Variants in ADGRB2 observed in about 807,000 individuals in gnomAD.
ADGRB2 encodes the protein brain-specific angiogenesis inhibitor 2.
In ADGRB2, 47 loss-of-function variants were observed where a neutral mutation model predicts 178.7. The observed-to-expected ratio is 0.26, with a 90% CI of 0.21 to 0.34. ADGRB2 has a LOEUF of 0.34. Among genes scored for constraint, ADGRB2 ranks in the 10% least tolerant of loss-of-function variants. The pLI, the probability that ADGRB2 is intolerant of heterozygous loss-of-function variation, is 1.00. For missense variants in ADGRB2, 1,584 were observed against 2,180.8 expected (o/e 0.73, Z 5.45); for synonymous variants, 870 against 912.4 (o/e 0.95, Z 0.84).
intron 14 of ADGRB2, 24 bp from the exon 15 acceptor site, chr1:31,739,659 GAGAC>G: frequency 6.4e-7 from 1 of 1,552,704 alleles, no homozygotes; most frequent in Non-Finnish European, 8.7e-7. Flanking sequence ...AGGGTGGACA[GAGAC>G]AGACAGAGGG....
intron 28 of ADGRB2, 114 bp downstream of exon 28, chr1:31,732,001 C>T: frequency 5.7e-6 from 8 of 1,411,426 alleles, no homozygotes; most frequent in East Asian, 2.3e-5. Context: ...TGTCTAACTT[C>T]GAAGCTGGAC....
chr1:31,735,072 C>T lies in ADGRB2; in HGVS notation c.3452+111G>A. On this transcript the variant is annotated intron_variant, in intron 25 of 32. Coordinates refer to ENST00000373658, the MANE Select transcript of ADGRB2 (RefSeq NM_001364857.2). This position sits in a 1 kb window ranked among gnomAD's most constrained non-coding sequence, Gnocchi z 6.0. Reference sequence around the variant, plus strand: ...GTGGTGGCTGGCAGGAAAGGGCAAGCTTTCCAGGGCACTGGGCTGATATCC... The same window carrying T: ...GTGGTGGCTGGCAGGAAAGGGCAAGTTTTCCAGGGCACTGGGCTGATATCC... 1 of 1,094,866 alleles carries T rather than the reference C, an allele frequency of 9.1e-7. No homozygotes were observed. Among genetic ancestry groups the T allele is most frequent in the East Asian group, 2.8e-5 (1 of 35,952 alleles). 67.8% of individuals were successfully genotyped at this position (1,094,866 alleles called of 1,614,324 possible).
chr1:31,757,628 A>G, intron 1 of ADGRB2, 117 bp from the exon 2 acceptor site: 1 of 228,828 alleles, frequency 4.4e-6, no homozygotes, highest in Non-Finnish European at 8.7e-6. Flanking sequence ...CATCTGTAAA[A>G]TGGGTGCAGA....
chr1:31,735,121 ACT>A lies in ADGRB2; in HGVS notation c.3452+60_3452+61del. 1 of 390,778 alleles carries A rather than the reference ACT, an allele frequency of 2.6e-6. No homozygotes were observed. The highest frequency in any genetic ancestry group is 4.6e-6 in the Non-Finnish European group (1 of 215,526). 24.2% of individuals were successfully genotyped at this position (390,778 alleles called of 1,614,324 possible). Reference sequence around the variant, plus strand: ...CCCTCCTCCTCCCCCCACCATGGGCACTGCCCCCCCCAATTCCTTTGCCCCAC... The same window carrying A: ...CCCTCCTCCTCCCCCCACCATGGGCAGCCCCCCCCAATTCCTTTGCCCCAC... On this transcript the variant is annotated intron_variant, in intron 25 of 32. Transcript: ENST00000373658. The surrounding 1 kb of genome is among the most constrained non-coding windows in gnomAD (Gnocchi z 6.0).
chr1:31,744,405 T>C lies in ADGRB2; in HGVS notation c.923-48A>G, dbSNP rs1447792928. On this transcript the variant is annotated intron_variant, in intron 5 of 32. Transcript: ENST00000373658. This position sits in a 1 kb window ranked among gnomAD's most constrained non-coding sequence, Gnocchi z 6.7. ...GCGGCAGGGGGCACCTCCCAAGCAC[T>C]CAGTCTCATAGGGATAGGGGGAGTG... The C allele has an allele frequency of 6.5e-7, 1 of 1,543,786 alleles. No homozygotes were observed. The highest frequency in any genetic ancestry group is 8.7e-7 in the Non-Finnish European group (1 of 1,145,592).
Position 31,752,126 on chromosome 1 carries a change from T to C in ADGRB2, c.838+3873A>G, listed in dbSNP as rs375652103. ...TGGCCTTGACCACCACTGTCCTAGT[T>C]AGTGCTCTCCCTCCCCCACCGGTGG... On this transcript the variant is annotated intron_variant, in intron 4 of 32. Transcript: ENST00000373658. Among the ~76,000 whole-genome samples, 79 of 152,296 alleles carry C rather than the reference T, an allele frequency of 5.2e-4. 1 individual carries two copies. In the South Asian group the frequency reaches 8.9e-3, roughly 17 times the overall value.
intron 6 of ADGRB2, chr1:31,743,409 G>A (rs1209724717): frequency 1.3e-5 from 2 of 153,108 alleles, no homozygotes; most frequent in East Asian, 3.6e-4. Context: ...GGGGGCAAGA[G>A]AAGCGCCCTT....
chr1:31,729,838 C>T (rs908826709), intron 29 of ADGRB2, among the ~76,000 whole-genome samples: 2 of 152,246 alleles, frequency 1.3e-5, no homozygotes, highest in South Asian at 2.1e-4. Context: ...CCGACACTGG[C>T]GTTGCATTTT....
Position 31,744,013 on chromosome 1 carries a change from G to A in ADGRB2, c.1087+180C>T, listed in dbSNP as rs936080501. ...GCATGGGCCCTGGTCTGATCCATCT[G>A]TGCCCCCAGTGCCCTGCACCGGGCT... On this transcript the variant is annotated intron_variant, in intron 6 of 32. Transcript: ENST00000373658. This position sits in a 1 kb window ranked among gnomAD's most constrained non-coding sequence, Gnocchi z 6.7. Among the ~76,000 whole-genome samples the A allele has an allele frequency of 6.6e-6, 1 of 152,230 alleles. No homozygotes were observed. Among genetic ancestry groups the A allele is most frequent in the African/African-American group, 2.4e-5 (1 of 41,468 alleles).
In ADGRB2 at chr1:31,736,598, G is replaced by T. The variant is rs375980272; in HGVS notation, c.3105C>A (p.Arg1035=). ...VIGRMRTRLV[R]KRFLCLGWGL... ...CCCAGCCCAGGCAGAGGAAGCGCTT[G>T]CGAACGAGGCGGGTGCGCATCCGCC... Residue 1035 remains arginine, a synonymous_variant, in exon 21 of 33, where the codon CGC becomes CGA. Coordinates refer to ENST00000373658, the MANE Select transcript of ADGRB2 (RefSeq NM_001364857.2). 1.9e-6 allele frequency: 3 copies of T among 1,614,004 alleles called. No individual in the cohort carries two copies. The highest frequency in any genetic ancestry group is 2.5e-6 in the Non-Finnish European group (3 of 1,179,974).
In ADGRB2 at chr1:31,738,300, G is replaced by A. The variant is rs140884373; in HGVS notation, c.2672C>T (p.Thr891Ile). 6.2e-7 allele frequency: 1 copy of A among 1,614,040 alleles called. No individual in the cohort carries two copies. Among genetic ancestry groups the A allele is most frequent in the Non-Finnish European group, 8.5e-7 (1 of 1,179,996 alleles). ...GGTCTCCAGGGTCTGGCAATTTTCA[G>A]TGTCCCAGTCTCCTGAGCTGGCATC... ...RADASSGDWD[T>I]ENCQTLETQA... The change falls in exon 18 of 33, where the codon ACT becomes ATT. Residue 891 changes from threonine to isoleucine, a missense_variant. Thr to Ile is a moderately conservative substitution (Grantham distance 89). Transcript: ENST00000373658.
chr1:31,735,642 G>A lies in ADGRB2; in HGVS notation c.3291C>T (p.Ile1097=), dbSNP rs367578737. Residue 1097 remains isoleucine (I), a synonymous_variant, in exon 24 of 33, where the codon ATC becomes ATT. Coordinates refer to ENST00000373658, the MANE Select transcript of ADGRB2 (RefSeq NM_001364857.2). This position sits in a 1 kb window ranked among gnomAD's most constrained non-coding sequence, Gnocchi z 6.0. ...IVLVNMLIGI[I]VFNKLMARDG... ...CACGTGCCATGAGCTTGTTGAAGAC[G>A]ATGATTCCGATGAGCATGTTCACCT... 6.5e-5 allele frequency: 104 copies of A among 1,604,080 alleles called. No homozygotes were observed. Among genetic ancestry groups the A allele is most frequent in the Non-Finnish European group, 8.2e-5 (96 of 1,172,858 alleles).
chr1:31,763,271 G>C (rs970387034), intron 1 of ADGRB2, among the ~76,000 whole-genome samples: 2 of 150,604 alleles, frequency 1.3e-5, no homozygotes, highest in Non-Finnish European at 3.0e-5. Context: ...ATTGGCGAGG[G>C]AAGGCGGGAC....
chr1:31,732,239 C>A (rs989868664), intron 27 of ADGRB2, 85 bp from the exon 28 acceptor site: 1 of 1,576,674 alleles, frequency 6.3e-7, no homozygotes, highest in African/African-American at 1.3e-5. Flanking sequence ...CCCCAGCCAG[C>A]TTTGCCCAGT....
intron 4 of ADGRB2, among the ~76,000 whole-genome samples, chr1:31,752,081 G>C (rs1159663047): frequency 6.6e-6 from 1 of 152,164 alleles, no homozygotes; most frequent in African/African-American, 2.4e-5. Flanking sequence ...ACTGAACCCG[G>C]ACTGGGCGAC....
Position 31,735,234 on chromosome 1 carries a change from C to T in ADGRB2, c.3401G>A (p.Cys1134Tyr). Reference protein sequence around the residue: ...WASLLLPCSACGAVPSPLLSS... With the variant: ...WASLLLPCSAYGAVPSPLLSS... ...GAGCAGGGGGCTGGGGACCGCTCCA[C>T]ACGCTGAGCAGGGGAGGAGCAGGCT... The change falls in exon 25 of 33, where the codon TGT (cysteine) becomes TAT (tyrosine). Residue 1134 changes from cysteine to tyrosine, a missense_variant. Transcript: ENST00000373658. This position sits in a 1 kb window ranked among gnomAD's most constrained non-coding sequence, Gnocchi z 6.0. 6.8e-7 allele frequency: 1 copy of T among 1,466,094 alleles called. No individual in the cohort carries two copies. Among genetic ancestry groups the T allele is most frequent in the Non-Finnish European group, 9.1e-7 (1 of 1,102,774 alleles). 90.8% of individuals were successfully genotyped at this position (1,466,094 alleles called of 1,614,324 possible).
rs71006321 is a variant in ADGRB2, at chr1:31,728,803, A to AAC, written c.4381-172_4381-171dup. On this transcript the variant is annotated intron_variant, in intron 29 of 32. Coordinates refer to ENST00000373658, the MANE Select transcript of ADGRB2 (RefSeq NM_001364857.2). This position sits in a 1 kb window ranked among gnomAD's most constrained non-coding sequence, Gnocchi z 6.7. ...TGGGGCAGCTTTTCAGGCCTCACTG[A>AAC]ACACACACACACACACACACACACA... Among the ~76,000 whole-genome samples, 19,498 of 115,160 alleles carry AAC rather than the reference A, an allele frequency of 0.17. 2,011 individuals are homozygous for AAC. Among genetic ancestry groups the AAC allele is most frequent in the East Asian group, 0.37 (1,342 of 3,606 alleles). 75.5% of individuals were successfully genotyped at this position (115,160 alleles called of 152,430 possible). A position where few individuals can be genotyped will look rare whatever the true frequency, so the allele number is the denominator to read the frequency against.
In ADGRB2 at chr1:31,755,925, T is replaced by G. The variant is rs1025108112; in HGVS notation, c.838+74A>C. ...GAACAGCTACATGCATGGCCGAGGA[T>G]CTGCCAGGATGGACACCAGGGACAC... On this transcript the variant is annotated intron_variant, in intron 4 of 32. Transcript: ENST00000373658. This position sits in a 1 kb window ranked among gnomAD's most constrained non-coding sequence, Gnocchi z 5.1. 4.5e-5 allele frequency: 69 copies of G among 1,531,008 alleles called. No homozygotes were observed. The highest frequency in any genetic ancestry group is 6.0e-5 in the Non-Finnish European group (68 of 1,134,590). 94.8% of individuals were successfully genotyped at this position (1,531,008 alleles called of 1,614,324 possible).
In ADGRB2 at chr1:31,737,472, G is replaced by C. The variant is rs1314407928; in HGVS notation, c.2936C>G (p.Ser979Cys). 1.2e-6 allele frequency: 2 copies of C among 1,614,168 alleles called. No individual in the cohort carries two copies. The highest frequency in any genetic ancestry group is 1.7e-6 in the Non-Finnish European group (2 of 1,180,026). ...CTGGCCCACGAGGATCAGGATGTTG[G>C]ATGCCAAGATGGACAGGCAGAAGTT... ...LLNFCLSILA[S>C]NILILVGQSR... is the part of the protein sequence containing the mutation. The change falls in exon 20 of 33, where the codon TCC (serine) becomes TGC (cysteine). Residue 979 changes from serine (S) to cysteine (C), a missense_variant. Ser to Cys is a moderately radical substitution (Grantham distance 112). This residue lies in a region of ADGRB2 where 865 missense variants were observed against 1,192.8 expected (regional missense o/e 0.73). Transcript: ENST00000373658.
Sources: allele counts gnomAD v4.1 joint callset (sites outside exome capture counted in the v4.1 genomes callset), GRCh38; gene constraint gnomAD v4.1.1; regional missense constraint gnomAD v4.1.1; non-coding constraint Gnocchi (gnomAD v3.1); transcripts MANE v1.5; gene names NCBI Gene and HGNC (gene_info 2026-07-23, HGNC 2026-07-21).